DUSP9: variants seen among roughly 807,000 people sequenced by gnomAD.
DUSP9 encodes the protein dual specificity phosphatase 9.
DUSP9 carries 4 observed loss-of-function variants against 13.2 expected under a neutral mutation model. The observed-to-expected ratio is 0.30, with a 90% CI of 0.15 to 0.69. The LOEUF is 0.69. DUSP9 is among the 30% of genes least tolerant of loss of function. DUSP9 has a pLI of 0.73. For missense variants in DUSP9, 263 were observed against 355.0 expected (o/e 0.74, Z 2.08); for synonymous variants, 166 against 172.3 (o/e 0.96, Z 0.29).
In DUSP9 at chrX:153,647,419, G is replaced by C. The variant is rs991480667; in HGVS notation, c.-42G>C. Reference sequence around the variant, plus strand: ...GCGCGGTCGTCCACCGCCGGATCTCGCTCCAGGTCTCTTTCCTTTTGTTCT... The same window carrying C: ...GCGCGGTCGTCCACCGCCGGATCTCCCTCCAGGTCTCTTTCCTTTTGTTCT... On this transcript the variant is annotated 5_prime_UTR_variant, in exon 1 of 4. Transcript: ENST00000342782. 3 of 111,982 alleles carry C rather than the reference G, an allele frequency of 2.7e-5. No individual in the cohort carries two copies. Among genetic ancestry groups the C allele is most frequent in the Non-Finnish European group, 5.7e-5 (3 of 52,985 alleles). The allele number at this position is 111,982 out of a possible 1,213,427, so 9.2% of individuals were successfully genotyped here.
Position 153,651,166 on chromosome X carries a change from G to A in DUSP9, c.*861G>A, listed in dbSNP as rs1336219414. 8.9e-6 allele frequency: 1 copy of A among 112,730 alleles called. No homozygotes were observed. Among genetic ancestry groups the A allele is most frequent in the Non-Finnish European group, 1.9e-5 (1 of 53,250 alleles). The allele number at this position is 112,730 out of a possible 1,213,427, so 9.3% of individuals were successfully genotyped here. On this transcript the variant is annotated 3_prime_UTR_variant, in exon 4 of 4. Coordinates refer to ENST00000342782, the MANE Select transcript of DUSP9 (RefSeq NM_001318503.2). The stretch of plus-strand genomic sequence containing the variant: ...TGTCGGCGCTCACACACACATGCTA[G>A]CCCACTGATGCACCCAGCCCAGGGC...
chrX:153,649,750 T>C (rs1831200686), intron 3 of DUSP9, 63 bp downstream of exon 3: 1 of 885,761 alleles, frequency 1.1e-6, no homozygotes, highest in Admixed American at 2.7e-5. Context: ...GCCTCCCCCT[T>C]GTGAGTACTC....
At position 153,648,336 on chromosome X, in the gene DUSP9, G is replaced by T. The variant is rs782571396; in HGVS notation, c.373+10G>T. On this transcript the variant is annotated intron_variant, in intron 2 of 3. Transcript: ENST00000342782. Reference sequence around the variant, plus strand: ...GCCTACTACCTCCAGGGTAGGTGCCGCGGGGCCCTCCTTCCAGGGGGTTCG... The same window carrying T: ...GCCTACTACCTCCAGGGTAGGTGCCTCGGGGCCCTCCTTCCAGGGGGTTCG... 9.0e-7 allele frequency: 1 copy of T among 1,110,166 alleles called. No individual in the cohort carries two copies. 91.5% of individuals were successfully genotyped at this position (1,110,166 alleles called of 1,213,427 possible).
intron 2 of DUSP9, among the ~76,000 whole-genome samples, chrX:153,648,761 C>A (rs781947031): frequency 8.9e-6 from 1 of 112,029 alleles, no homozygotes; most frequent in South Asian, 3.7e-4. Flanking sequence ...AGGTGTCCAG[C>A]CCGGGGAAAT....
At position 153,650,653 on chromosome X, in the gene DUSP9, G is replaced by A. The variant is rs914895280; in HGVS notation, c.*348G>A. The A allele has an allele frequency of 3.8e-5, 4 of 106,528 alleles. No homozygotes were observed. The highest frequency in any genetic ancestry group is 8.0e-5 in the Non-Finnish European group (4 of 50,098). 8.8% of individuals were successfully genotyped at this position (106,528 alleles called of 1,213,427 possible). ...CTTCAGGAAGGGTGTGTGCCACCTCGTTGCACTGGATCCCAGTGGCTGCTT... is the reference window on the plus strand; with the variant it reads ...CTTCAGGAAGGGTGTGTGCCACCTCATTGCACTGGATCCCAGTGGCTGCTT... On this transcript the variant is annotated 3_prime_UTR_variant, in exon 4 of 4. Coordinates refer to ENST00000342782, the MANE Select transcript of DUSP9 (RefSeq NM_001318503.2).
chrX:153,643,527 GGTAGGGTACTTAGAT>G (rs1363167005), upstream of DUSP9: 1 of 339,169 alleles, frequency 2.9e-6, no homozygotes, highest in African/African-American at 2.6e-5. Flanking sequence ...TGGGGTCCAA[GGTAGGGTACTTAGAT>G]GTGGAAGCAA....
At chrX:153,643,769 G>C (rs1557035150), upstream of DUSP9, among the ~76,000 whole-genome samples, 1 of 112,855 alleles carries the variant, frequency 8.9e-6, no homozygotes, top group African/African-American at 3.2e-5. Flanking sequence ...CGGGGTGGGG[G>C]AGGAGTGTGT....
At chrX:153,647,820 G>A in intron 1 of DUSP9, 99 bp from the exon 2 acceptor site, 2 of 739,388 alleles carry the variant, frequency 2.7e-6, no homozygotes, top group Non-Finnish European at 3.5e-6. Flanking sequence ...CTCATGGTGG[G>A]GGACCCTGGG....
At position 153,650,002 on chromosome X, in the gene DUSP9, C is replaced by T. The variant is rs782371736; in HGVS notation, c.852C>T (p.Cys284=). 3.3e-6 allele frequency: 4 copies of T among 1,209,982 alleles called. No individual in the cohort carries two copies. Among genetic ancestry groups the T allele is most frequent in the South Asian group, 1.8e-5 (1 of 56,805 alleles). ...EFIDEALSQN[C]GVLVHCLAGV... The stretch of plus-strand genomic sequence containing the variant: ...TAGATGAGGCCTTGTCCCAGAACTG[C>T]GGGGTGCTCGTCCACTGCTTGGCGG... The change falls in exon 4 of 4, where the codon TGC becomes TGT. Residue 284 remains cysteine, a synonymous_variant. Transcript: ENST00000342782.
rs782571396 is a variant in DUSP9 at position 153,648,336 on chromosome X, G to A, written c.373+10G>A. 1.9e-5 allele frequency: 21 copies of A among 1,108,841 alleles called. No individual in the cohort carries two copies. The highest frequency in any genetic ancestry group is 2.1e-5 in the Non-Finnish European group (18 of 852,772). The allele number at this position is 1,108,841 out of a possible 1,213,427, so 91.4% of individuals were successfully genotyped here. On this transcript the variant is annotated intron_variant, in intron 2 of 3. Transcript: ENST00000342782. ...GCCTACTACCTCCAGGGTAGGTGCCGCGGGGCCCTCCTTCCAGGGGGTTCG... is the reference window on the plus strand; with the variant it reads ...GCCTACTACCTCCAGGGTAGGTGCCACGGGGCCCTCCTTCCAGGGGGTTCG...
intron 1 of DUSP9, chrX:153,647,653 G>A (rs901832272): frequency 1.5e-4 from 29 of 199,687 alleles, no homozygotes; most frequent in Non-Finnish European, 2.6e-4. Flanking sequence ...GACCGAGACA[G>A]GAGCAGAAAG....
chrX:153,649,141 A>G (rs1469227972), intron 2 of DUSP9, 91 bp from the exon 3 acceptor site: 2 of 899,512 alleles, frequency 2.2e-6, no homozygotes, highest in Non-Finnish European at 3.1e-6. Context: ...AAACCCTCCA[A>G]GTTGTCCAGG....
In DUSP9 at chrX:153,649,344, G is replaced by C. The variant is rs1557036071; in HGVS notation, c.486G>C (p.Leu162Phe). ...PVPGPVPVVG[L>F]GSLCLGSDCS... ...CCGGTCCAGTGCCCGTGGTGGGGTT[G>C]GGCAGCCTGTGCCTGGGCTCCGACT... is the stretch of plus-strand genomic sequence containing the variant. Residue 162 changes from leucine to phenylalanine, a missense_variant, in exon 3 of 4, where the codon TTG (leucine) becomes TTC (phenylalanine). Coordinates refer to ENST00000342782, the MANE Select transcript of DUSP9 (RefSeq NM_001318503.2). 1.2e-5 allele frequency: 15 copies of C among 1,209,366 alleles called. No homozygotes were observed. The highest frequency in any genetic ancestry group is 1.7e-5 in the Non-Finnish European group (15 of 895,222).
rs781896474 is a variant in DUSP9, at chrX:153,649,935, A to G, written c.830-45A>G. The G allele has an allele frequency of 1.9e-5, 22 of 1,170,489 alleles. No homozygotes were observed. The South Asian group carries it at 4.2e-4, about 23-fold the overall frequency. On this transcript the variant is annotated intron_variant, in intron 3 of 3. Transcript: ENST00000342782. ...CCTTCGGAAGGCCTCGGCCTCACACACGCCTGCCCTCCGGGTCTCCCGGGC... is the reference window on the plus strand; with the variant it reads ...CCTTCGGAAGGCCTCGGCCTCACACGCGCCTGCCCTCCGGGTCTCCCGGGC...
chrX:153,643,920 G>A (rs1043366098), upstream of DUSP9, among the ~76,000 whole-genome samples: 1 of 112,949 alleles, frequency 8.9e-6, no homozygotes, highest in Non-Finnish European at 1.9e-5. Flanking sequence ...GGCCAGCCTG[G>A]GGCCGGGCAC....
Position 153,648,082 on chromosome X carries a change from C to T in DUSP9, c.129C>T (p.Ser43=), listed in dbSNP as rs1557035776. Residue 43 remains serine (S), a synonymous_variant, in exon 2 of 4, where the codon AGC becomes AGT. Coordinates refer to ENST00000342782, the MANE Select transcript of DUSP9 (RefSeq NM_001318503.2). Reference sequence around the variant, plus strand: ...CGGCGCGCATCGGTGGGGCGCTGAGCGTGGCCCTGCCGGCGCTCCTGCTGC... The same window carrying T: ...CGGCGCGCATCGGTGGGGCGCTGAGTGTGGCCCTGCCGGCGCTCCTGCTGC... ...YESARIGGAL[S]VALPALLLRR... is the part of the protein sequence containing the mutation. The T allele has an allele frequency of 9.7e-7, 1 of 1,034,388 alleles. No individual in the cohort carries two copies. 85.2% of individuals were successfully genotyped at this position (1,034,388 alleles called of 1,213,427 possible).
intron 1 of DUSP9, 111 bp downstream of exon 1, chrX:153,647,536 C>CCCTGGCCCA (rs1327829428): frequency 8.5e-6 from 1 of 117,643 alleles, no homozygotes; most frequent in Non-Finnish European, 1.8e-5. Context: ...TCCTCTGTTC[C>CCCTGGCCCA]CCTGGCCCAC....
At chrX:153,645,440 C>T (rs184550314), upstream of DUSP9, among the ~76,000 whole-genome samples, 328 of 113,058 alleles carry the variant, frequency 2.9e-3, no homozygotes, top group African/African-American at 9.7e-3. Context: ...AGCCCAGTGC[C>T]AGGGTCCTGG....
At chrX:153,648,463 C>A (rs2091198363) in intron 2 of DUSP9, 137 bp downstream of exon 2, 2 of 762,441 alleles carry the variant, frequency 2.6e-6, no homozygotes, top group Non-Finnish European at 3.4e-6. Context: ...AGGAGGGAAG[C>A]CTGAGTGTGA....
Sources: gnomAD v4.1 joint callset for allele counts (sites outside exome capture counted in the v4.1 genomes callset) on GRCh38, gnomAD v4.1.1 for gene constraint, MANE v1.5 for transcripts, NCBI Gene and HGNC (gene_info 2026-07-23, HGNC 2026-07-21) for gene names.